Variants in CCDC178 observed in about 807,000 individuals in gnomAD.
CCDC178 encodes the protein coiled-coil domain-containing protein 178.
In CCDC178, 126 loss-of-function variants were observed where a neutral mutation model predicts 117.4. That is an observed-to-expected ratio of 1.07 (90% CI 0.93 to 1.24). The LOEUF (loss-of-function observed/expected upper bound fraction) is 1.24. CCDC178 is among the 50% of genes most tolerant of loss of function. CCDC178 has a pLI of 0.00. For missense variants in CCDC178, 1,030 were observed against 986.9 expected, an observed-to-expected ratio of 1.04 and a Z score of -0.59; for synonymous variants, 283 against 313.4, an observed-to-expected ratio of 0.90 and a Z score of 1.02.
chr18:33,052,220 G>A (rs1330015762), intron 21 of CCDC178, among the ~76,000 whole-genome samples: 2 of 152,114 alleles, frequency 1.3e-5, no homozygotes, highest in East Asian at 3.9e-4. Flanking sequence ...TAAAAGAACA[G>A]ATAAGTATAA....
In CCDC178 at chr18:33,053,021, T is replaced by A. The variant is rs568096365; in HGVS notation, c.2388+39740A>T. On this transcript the variant is annotated intron_variant, in intron 21 of 22. Coordinates refer to ENST00000383096, the MANE Select transcript of CCDC178 (RefSeq NM_001105528.4). Reference sequence around the variant, plus strand: ...ATTGCAACATAGCCTAGGAGCCATATGATCTAGCTTCAAAAGAAATAATAT... The same window carrying A: ...ATTGCAACATAGCCTAGGAGCCATAAGATCTAGCTTCAAAAGAAATAATAT... Among the ~76,000 whole-genome samples the A allele has an allele frequency of 3.3e-5, 5 of 152,332 alleles. No individual in the cohort carries two copies. The East Asian group carries it at 7.7e-4, about 24-fold the overall frequency.
chr18:33,156,293 T>A (rs2058395980), intron 20 of CCDC178, among the ~76,000 whole-genome samples: 1 of 151,768 alleles, frequency 6.6e-6, no homozygotes, highest in Non-Finnish European at 1.5e-5. Flanking sequence ...TTTCACAATG[T>A]TGGCCAGGCT....
chr18:33,073,514 T>TC (rs1029363350), intron 21 of CCDC178, among the ~76,000 whole-genome samples: 121 of 139,098 alleles, frequency 8.7e-4, no homozygotes, highest in African/African-American at 3.3e-3. Flanking sequence ...CATCTATCTA[T>TC]CTATCTATCT....
chr18:33,111,421 A>T (rs2057781113), intron 20 of CCDC178, among the ~76,000 whole-genome samples: 1 of 151,662 alleles, frequency 6.6e-6, no homozygotes, highest in Admixed American at 6.6e-5. Context: ...ATTGGTTTTA[A>T]ATATCGCTAA....
intron 20 of CCDC178, among the ~76,000 whole-genome samples, chr18:33,191,115 A>T (rs1021666729): frequency 6.6e-6 from 1 of 152,150 alleles, no homozygotes; most frequent in African/African-American, 2.4e-5. Context: ...TTTCTCAAAC[A>T]ACTCTAAGAA....
intron 10 of CCDC178, among the ~76,000 whole-genome samples, chr18:33,330,333 ATTT>A (rs1329533902): frequency 6.6e-6 from 1 of 151,952 alleles, no homozygotes; most frequent in East Asian, 1.9e-4. Context: ...ATGGGGAATT[ATTT>A]TTTCTTGGGG....
intron 22 of CCDC178, among the ~76,000 whole-genome samples, chr18:32,939,666 GAC>G (rs917971697): frequency 6.6e-6 from 1 of 152,038 alleles, no homozygotes; most frequent in Non-Finnish European, 1.5e-5. Flanking sequence ...TGAAGTAAAA[GAC>G]AACACACAGG....
intron 15 of CCDC178, among the ~76,000 whole-genome samples, chr18:33,228,133 A>T (rs539608908): frequency 2.6e-5 from 4 of 152,208 alleles, no homozygotes; most frequent in Non-Finnish European, 5.9e-5. Context: ...TAGAGAAAAG[A>T]CTTGGTGAAT....
intron 19 of CCDC178, among the ~76,000 whole-genome samples, chr18:33,214,818 C>T (rs271554): frequency 0.16 from 24,411 of 151,784 alleles, 2,737 homozygotes; most frequent in African/African-American, 0.32. Context: ...TAAATTTTTT[C>T]TGACACTTTA....
chr18:33,278,502 A>G (rs57978881), intron 12 of CCDC178, among the ~76,000 whole-genome samples: 10,406 of 151,818 alleles, frequency 0.069, 536 homozygotes, highest in African/African-American at 0.14. Flanking sequence ...TAACATTTTT[A>G]TTTTATGCCT....
chr18:33,034,682 A>G (rs2056409078), intron 21 of CCDC178, among the ~76,000 whole-genome samples: 1 of 152,056 alleles, frequency 6.6e-6, no homozygotes, highest in Non-Finnish European at 1.5e-5. Flanking sequence ...TTGTGTACAC[A>G]ATGATTTCAC....
At chr18:33,069,605 T>C (rs2057075075) in intron 21 of CCDC178, among the ~76,000 whole-genome samples, 1 of 152,114 alleles carries the variant, frequency 6.6e-6, no homozygotes, top group African/African-American at 2.4e-5. Flanking sequence ...CTTGAGGACA[T>C]TGATCTAGGC....
In CCDC178 at chr18:33,215,614, T is replaced by A. The variant is rs2059156109; in HGVS notation, c.2014A>T (p.Asn672Tyr). ...TCTTCTTTTGCTTTTAATTCCTCAT[T>A]CAATTCATTTATTTTTGCATAAAAA... ...MIFYAKINEL[N>Y]EELKAKEEEK... The change falls in exon 19 of 23, where the codon AAT becomes TAT. Residue 672 changes from asparagine to tyrosine, a missense_variant. Transcript: ENST00000383096. 7 of 1,521,472 alleles carry A rather than the reference T, an allele frequency of 4.6e-6. No homozygotes were observed. The highest frequency in any genetic ancestry group is 6.2e-6 in the Non-Finnish European group (7 of 1,136,512). 94.2% of individuals were successfully genotyped at this position (1,521,472 alleles called of 1,614,324 possible).
At chr18:33,241,700 G>T (rs1489570636) in intron 15 of CCDC178, among the ~76,000 whole-genome samples, 3 of 151,536 alleles carry the variant, frequency 2.0e-5, no homozygotes, top group African/African-American at 7.3e-5. Flanking sequence ...ATGAAACATT[G>T]ATAAAAGAAA....
chr18:33,338,513 C>T (rs1470228297), intron 9 of CCDC178, among the ~76,000 whole-genome samples: 1 of 152,112 alleles, frequency 6.6e-6, no homozygotes, highest in African/African-American at 2.4e-5. Flanking sequence ...GCCCATTAAT[C>T]ACTTAGTGAA....
At chr18:33,215,501 A>G (rs753286855) in intron 19 of CCDC178, 49 bp downstream of exon 19, 1 of 989,360 alleles carries the variant, frequency 1.0e-6, no homozygotes, top group South Asian at 2.3e-5. Context: ...GATCTTATTT[A>G]TTAATATTTT....
intron 11 of CCDC178, among the ~76,000 whole-genome samples, chr18:33,302,313 G>C (rs538464157): frequency 1.3e-5 from 2 of 152,274 alleles, no homozygotes; most frequent in South Asian, 4.1e-4. Context: ...AAATTACTGA[G>C]CCTCAGGTAT....
At chr18:33,222,276 T>TTTCCTTCC (rs984628063) in intron 18 of CCDC178, among the ~76,000 whole-genome samples, 4 of 148,864 alleles carry the variant, frequency 2.7e-5, no homozygotes, top group African/African-American at 9.9e-5. Flanking sequence ...TCCTTCCTTC[T>TTTCCTTCC]TTCCTTCCTT....
chr18:33,295,116 CA>C (rs2062090819), intron 11 of CCDC178, among the ~76,000 whole-genome samples: 1 of 151,902 alleles, frequency 6.6e-6, no homozygotes, highest in East Asian at 1.9e-4. Flanking sequence ...GAGGGATAGC[CA>C]AATAGATAAA....
Sources: allele counts gnomAD v4.1 joint callset (sites outside exome capture counted in the v4.1 genomes callset), GRCh38; gene constraint gnomAD v4.1.1; transcripts MANE v1.5; gene names NCBI Gene and HGNC (gene_info 2026-07-23, HGNC 2026-07-21).